The following JARID2 variants were observed in gnomAD, a reference collection of about 807,000 sequenced individuals.
JARID2 encodes the protein jumonji and AT-rich interaction domain containing 2.
Under a neutral mutation model 125.6 loss-of-function variants are expected in JARID2, and 21 were observed. The observed-to-expected ratio is 0.17, with a 90% CI of 0.12 to 0.24. The LOEUF is 0.24. Among genes scored for constraint, JARID2 ranks in the 10% least tolerant of loss-of-function variants. JARID2 has a pLI of 1.00. For missense variants in JARID2, 1,303 were observed against 1,639.6 expected (o/e 0.79, Z 3.55); for synonymous variants, 736 against 661.6 (o/e 1.11, Z -1.73).
Position 15,413,007 on chromosome 6 carries a change from TGTTTTTTTTTTTTTTG to T in JARID2, c.323+2643_323+2658del, listed in dbSNP as rs780183632. Among the ~76,000 whole-genome samples, 342 of 101,428 alleles carry T rather than the reference TGTTTTTTTTTTTTTTG, an allele frequency of 3.4e-3. 10 individuals carry two copies. Among genetic ancestry groups the T allele is most frequent in the African/African-American group, 0.012 (294 of 25,438 alleles). 66.5% of individuals were successfully genotyped at this position (101,428 alleles called of 152,430 possible). On this transcript the variant is annotated intron_variant, in intron 3 of 17. Transcript: ENST00000341776. ...TATACATGGGAAGAGCTTGTGTTTT[TGTTTTTTTTTTTTTTG>T]TTTTTTTTTTTTTGAGACTGAGTTT... is the stretch of plus-strand genomic sequence containing the variant.
At chr6:15,322,104 A>G (rs1762380808) in intron 1 of JARID2, among the ~76,000 whole-genome samples, 1 of 152,166 alleles carries the variant, frequency 6.6e-6, no homozygotes, top group Admixed American at 6.5e-5. Context: ...TATTAGATTT[A>G]GTGTCTAGTG....
At chr6:15,256,145 G>T (rs965571038) in intron 1 of JARID2, among the ~76,000 whole-genome samples, 1 of 152,208 alleles carries the variant, frequency 6.6e-6, no homozygotes, top group Non-Finnish European at 1.5e-5. Flanking sequence ...TTATTACCCA[G>T]TTGGAAATCA....
At chr6:15,365,620 C>G (rs1283475420) in intron 1 of JARID2, among the ~76,000 whole-genome samples, 1 of 145,532 alleles carries the variant, frequency 6.9e-6, no homozygotes, top group Non-Finnish European at 1.5e-5. Context: ...TCAGCTGCAG[C>G]TTTTTTTTTT....
intron 1 of JARID2, among the ~76,000 whole-genome samples, chr6:15,265,612 C>T (rs139260519): frequency 1.3e-4 from 20 of 152,256 alleles, no homozygotes; most frequent in African/African-American, 4.6e-4. Flanking sequence ...TCTTGGCTGG[C>T]AGCCAAGAAG....
intron 1 of JARID2, among the ~76,000 whole-genome samples, chr6:15,308,562 T>C (rs1761912334): frequency 6.6e-6 from 1 of 152,084 alleles, no homozygotes; most frequent in Non-Finnish European, 1.5e-5. Flanking sequence ...TGTGGTTAAA[T>C]AGTGACGGTT....
chr6:15,312,015 C>G (rs1762031505), intron 1 of JARID2, among the ~76,000 whole-genome samples: 1 of 152,030 alleles, frequency 6.6e-6, no homozygotes, highest in Non-Finnish European at 1.5e-5. Context: ...ACATATGCAC[C>G]CCTACTGTTC....
At chr6:15,481,802 T>C (rs1769629771) in intron 5 of JARID2, among the ~76,000 whole-genome samples, 1 of 152,200 alleles carries the variant, frequency 6.6e-6, no homozygotes, top group Non-Finnish European at 1.5e-5. Flanking sequence ...TTAATTTCCG[T>C]ATGTTTGAAA....
At chr6:15,273,255 C>T (rs1049620062) in intron 1 of JARID2, among the ~76,000 whole-genome samples, 21 of 152,164 alleles carry the variant, frequency 1.4e-4, no homozygotes, top group Admixed American at 3.3e-4. Context: ...TAGCGGGGCT[C>T]TCTGTAAACA....
intron 3 of JARID2, among the ~76,000 whole-genome samples, chr6:15,417,419 T>C (rs1303231441): frequency 6.6e-6 from 1 of 152,226 alleles, no homozygotes; most frequent in Non-Finnish European, 1.5e-5. Context: ...TTTTGTGACC[T>C]GAATAAATTA....
At chr6:15,502,058 T>C (rs1424608724) in intron 8 of JARID2, among the ~76,000 whole-genome samples, 6 of 152,198 alleles carry the variant, frequency 3.9e-5, no homozygotes, top group Admixed American at 3.9e-4. Flanking sequence ...GATAAAGCCA[T>C]CAAAATGAAT....
chr6:15,344,374 TGGCTTTGTCAGACTC>T (rs987265727), intron 1 of JARID2, among the ~76,000 whole-genome samples: 14 of 152,134 alleles, frequency 9.2e-5, no homozygotes, highest in African/African-American at 3.4e-4. Context: ...GGAGTGTGTG[TGGCTTTGTCAGACTC>T]GGCTGATGTA....
chr6:15,415,824 A>AC (rs1265235675), intron 3 of JARID2, among the ~76,000 whole-genome samples: 26 of 72,706 alleles, frequency 3.6e-4, no homozygotes, highest in African/African-American at 5.3e-4. Flanking sequence ...CGGGGGGCTG[A>AC]CCCCCCCACC....
chr6:15,311,016 G>A (rs1200770447), intron 1 of JARID2, among the ~76,000 whole-genome samples: 1 of 152,164 alleles, frequency 6.6e-6, no homozygotes, highest in African/African-American at 2.4e-5. Context: ...ACATCCTTTG[G>A]GATGCGGGTA....
chr6:15,315,949 G>A (rs765636306), intron 1 of JARID2, among the ~76,000 whole-genome samples: 3 of 152,042 alleles, frequency 2.0e-5, no homozygotes, highest in Admixed American at 6.5e-5. Context: ...TTGATTTAAA[G>A]TGACTGAGGG....
intron 1 of JARID2, among the ~76,000 whole-genome samples, chr6:15,338,495 A>T (rs1307281789): frequency 6.6e-6 from 1 of 152,244 alleles, no homozygotes; most frequent in Non-Finnish European, 1.5e-5. Context: ...TTGAGGACAG[A>T]TGGGCTGAGG....
chr6:15,270,351 C>T (rs1051400722), intron 1 of JARID2, among the ~76,000 whole-genome samples: 4 of 152,088 alleles, frequency 2.6e-5, no homozygotes, highest in East Asian at 1.9e-4. Context: ...AGGCTGGTCC[C>T]GAACTCCTGA....
chr6:15,277,869 G>A (rs1284613557), intron 1 of JARID2, among the ~76,000 whole-genome samples: 2 of 127,134 alleles, frequency 1.6e-5, no homozygotes, highest in African/African-American at 3.1e-5. Context: ...TAGATGGAGA[G>A]AAAGCAAAAG....
intron 5 of JARID2, among the ~76,000 whole-genome samples, chr6:15,474,799 G>T (rs1234816826): frequency 6.6e-6 from 1 of 152,206 alleles, no homozygotes; most frequent in East Asian, 1.9e-4. Context: ...TGAGATAATA[G>T]TGACTTGTCC....
At chr6:15,511,069 C>T (rs956261598) in intron 12 of JARID2, among the ~76,000 whole-genome samples, 4 of 152,218 alleles carry the variant, frequency 2.6e-5, no homozygotes, top group Admixed American at 6.5e-5. Context: ...TCTCGCAACG[C>T]GGATGCACTG....
Sources: allele counts gnomAD v4.1 joint callset (sites outside exome capture counted in the v4.1 genomes callset), GRCh38; gene constraint gnomAD v4.1.1; transcripts MANE v1.5; gene names NCBI Gene and HGNC (gene_info 2026-07-23, HGNC 2026-07-21).